Variants in SLC16A12 observed in about 807,000 individuals in gnomAD.
SLC16A12 encodes solute carrier family 16 member 12.
Under a neutral mutation model 42.4 loss-of-function variants are expected in SLC16A12, and 17 were observed. That is an observed-to-expected ratio of 0.40 (90% CI 0.27 to 0.60). The LOEUF is 0.60. Among genes scored for constraint, SLC16A12 ranks in the 20% least tolerant of loss-of-function variants. The pLI is 0.42. For missense variants in SLC16A12, 544 were observed against 623.0 expected, an observed-to-expected ratio of 0.87 and a Z score of 1.35; for synonymous variants, 224 against 229.4, an observed-to-expected ratio of 0.98 and a Z score of 0.21.
chr10:89,478,725 T>C (rs1054861247), intron 2 of SLC16A12, among the ~76,000 whole-genome samples: 2 of 152,214 alleles, frequency 1.3e-5, no homozygotes, highest in Non-Finnish European at 2.9e-5. Flanking sequence ...TCTCCCAAGT[T>C]ACAGACTCAA....
rs555528383 is a variant in SLC16A12, at chr10:89,522,329, C to T, written c.-47+12172G>A. ...CTTGGGTCCTTTGCTGCTCCGCTTT[C>T]CCCCATTCCATTAACTGGTCCTGCT... On this transcript the variant is annotated intron_variant, in intron 2 of 7. Coordinates refer to ENST00000371790, the MANE Select transcript of SLC16A12 (RefSeq NM_213606.4). 2.0e-5 allele frequency among the ~76,000 whole-genome samples: 3 copies of T among 152,292 alleles called. No homozygotes were observed. The East Asian group carries it at 5.8e-4, about 29-fold the overall frequency.
chr10:89,493,778 G>A (rs1564588637), intron 2 of SLC16A12, among the ~76,000 whole-genome samples: 1 of 152,030 alleles, frequency 6.6e-6, no homozygotes, highest in South Asian at 2.1e-4. Context: ...TTTTGCCCAA[G>A]TACCTAAATA....
intron 2 of SLC16A12, among the ~76,000 whole-genome samples, chr10:89,510,658 G>T (rs1208575082): frequency 2.0e-5 from 3 of 152,098 alleles, no homozygotes; most frequent in Non-Finnish European, 4.4e-5. Context: ...ATACCATTCA[G>T]ACATAGGCCT....
chr10:89,547,847 G>C (rs1470077502), intron 2 of SLC16A12, among the ~76,000 whole-genome samples: 1 of 151,726 alleles, frequency 6.6e-6, no homozygotes, highest in African/African-American at 2.4e-5. Context: ...AATTAGCCAG[G>C]CATGGTGGCA....
intron 3 of SLC16A12, among the ~76,000 whole-genome samples, chr10:89,450,605 C>T (rs1842079460): frequency 6.6e-6 from 1 of 151,952 alleles, no homozygotes; most frequent in Non-Finnish European, 1.5e-5. Flanking sequence ...TGGGGCCTGT[C>T]GTGGGGTCAG....
At chr10:89,551,289 A>G (rs1843769020) in intron 2 of SLC16A12, among the ~76,000 whole-genome samples, 1 of 152,046 alleles carries the variant, frequency 6.6e-6, no homozygotes, top group Non-Finnish European at 1.5e-5. Context: ...TAAAAATACT[A>G]AAAATTAGCT....
chr10:89,528,738 T>C (rs1291404147), intron 2 of SLC16A12, among the ~76,000 whole-genome samples: 1 of 152,256 alleles, frequency 6.6e-6, no homozygotes, highest in Non-Finnish European at 1.5e-5. Context: ...CAACCCTGGC[T>C]GTACATGAGA....
At chr10:89,512,690 T>C (rs1161265356) in intron 2 of SLC16A12, among the ~76,000 whole-genome samples, 1 of 152,212 alleles carries the variant, frequency 6.6e-6, no homozygotes, top group Non-Finnish European at 1.5e-5. Context: ...TACCTCTTCA[T>C]CTGGCTGTTC....
At chr10:89,457,951 T>C (rs1289989519) in intron 3 of SLC16A12, among the ~76,000 whole-genome samples, 1 of 152,206 alleles carries the variant, frequency 6.6e-6, no homozygotes, top group Admixed American at 6.5e-5. Context: ...TGGAAAACTC[T>C]GTAGAACATC....
At chr10:89,506,626 C>T (rs757072325) in intron 2 of SLC16A12, among the ~76,000 whole-genome samples, 5 of 152,084 alleles carry the variant, frequency 3.3e-5, no homozygotes, top group Admixed American at 1.3e-4. Flanking sequence ...GAGAAACCAG[C>T]GCAGAAAGGC....
chr10:89,475,226 G>C (rs1424707363), intron 2 of SLC16A12, among the ~76,000 whole-genome samples: 1 of 152,220 alleles, frequency 6.6e-6, no homozygotes, highest in African/African-American at 2.4e-5. Flanking sequence ...AATTTTCCAA[G>C]TATGAGAGAA....
intron 2 of SLC16A12, among the ~76,000 whole-genome samples, chr10:89,526,684 G>C (rs965829326): frequency 3.3e-5 from 5 of 152,218 alleles, no homozygotes; most frequent in Non-Finnish European, 5.9e-5. Flanking sequence ...GTGAAATCAA[G>C]CACAGGACAC....
rs537876508 is a variant in SLC16A12, at chr10:89,550,514, G to A, written c.-47+5368C>T. ...AGCCTGGGCTATACAGCAAGACTCC[G>A]TCTCAAAACAAACAAACAACAACAA... On this transcript the variant is annotated intron_variant, in intron 2 of 2. Coordinates refer to the SLC16A12 transcript ENST00000475682. Among the ~76,000 whole-genome samples the A allele has an allele frequency of 2.6e-4, 39 of 152,264 alleles. 1 individual carries two copies. The highest frequency in any genetic ancestry group is 5.1e-4 in the African/African-American group (21 of 41,552).
At chr10:89,445,228 G>T (rs984303897) in intron 3 of SLC16A12, among the ~76,000 whole-genome samples, 1 of 152,242 alleles carries the variant, frequency 6.6e-6, no homozygotes, top group African/African-American at 2.4e-5. Flanking sequence ...AGAGAGCAGT[G>T]GTTCTTCCAT....
chr10:89,488,668 A>C (rs772798055), intron 2 of SLC16A12, among the ~76,000 whole-genome samples: 1 of 152,222 alleles, frequency 6.6e-6, no homozygotes, highest in Admixed American at 6.5e-5. Context: ...CCACCAAATG[A>C]TGCCTTAGAA....
At chr10:89,554,324 C>T (rs966263710) in intron 2 of SLC16A12, among the ~76,000 whole-genome samples, 1 of 152,132 alleles carries the variant, frequency 6.6e-6, no homozygotes, top group African/African-American at 2.4e-5. Context: ...ACCTCAATTC[C>T]CTTCTGATAG....
chr10:89,539,724 T>A (rs1458245519), upstream of SLC16A12, among the ~76,000 whole-genome samples: 11 of 152,226 alleles, frequency 7.2e-5, no homozygotes. Context: ...TTCTCATGAC[T>A]AATTAAGATT....
At chr10:89,454,337 T>C (rs1842147457) in intron 3 of SLC16A12, among the ~76,000 whole-genome samples, 1 of 152,034 alleles carries the variant, frequency 6.6e-6, no homozygotes. Context: ...CATATTAATA[T>C]CTCTAACCCC....
chr10:89,436,435 T>C (rs1021477454), intron 6 of SLC16A12, 116 bp from the exon 7 acceptor site: 1 of 1,244,614 alleles, frequency 8.0e-7, no homozygotes, highest in Non-Finnish European at 1.2e-6. Context: ...GGCTTTCCCA[T>C]TGTGTGTTAT....
Sources: allele counts gnomAD v4.1 joint callset (sites outside exome capture counted in the v4.1 genomes callset), GRCh38; gene constraint gnomAD v4.1.1; transcripts MANE v1.5; gene names NCBI Gene and HGNC (gene_info 2026-07-23, HGNC 2026-07-21).